Variants in SHTN1 observed in about 807,000 individuals in gnomAD.
The protein encoded by SHTN1 is shootin-1.
A neutral mutation model predicts 83.1 loss-of-function variants in SHTN1; 42 were observed. The ratio of observed to expected loss-of-function variants is 0.51; its 90% CI spans 0.39 to 0.65. The LOEUF (loss-of-function observed/expected upper bound fraction) is 0.65. SHTN1 is among the 30% of genes least tolerant of loss of function. The pLI, the probability that SHTN1 is intolerant of heterozygous loss-of-function variation, is 0.00. For synonymous variants in SHTN1, 224 were observed against 247.7 expected (o/e 0.90, Z 0.90); for missense variants, 622 against 737.8 (o/e 0.84, Z 1.82).
At chr10:116,992,225 T>C (rs963808854) in intron 1 of SHTN1, among the ~76,000 whole-genome samples, 1 of 152,204 alleles carries the variant, frequency 6.6e-6, no homozygotes, top group Non-Finnish European at 1.5e-5. Flanking sequence ...GGAAACCTTT[T>C]TATTTCTATC....
chr10:117,052,152 A>T, intron 1 of SHTN1, among the ~76,000 whole-genome samples: 1 of 151,432 alleles, frequency 6.6e-6, no homozygotes, highest in Non-Finnish European at 1.5e-5. Context: ...TAATTTAAGA[A>T]GAAATGTTTT....
At chr10:116,961,699 G>A (rs967816266) in intron 3 of SHTN1, among the ~76,000 whole-genome samples, 7 of 152,136 alleles carry the variant, frequency 4.6e-5, no homozygotes, top group African/African-American at 1.7e-4. Flanking sequence ...CGTAATTACT[G>A]GTAGACATTG....
intron 2 of SHTN1, among the ~76,000 whole-genome samples, chr10:117,024,575 G>T (rs1852305189): frequency 6.6e-6 from 1 of 151,626 alleles, no homozygotes; most frequent in Non-Finnish European, 1.5e-5. Context: ...AGCCAGGATG[G>T]TCTCGATCTC....
rs1853314561 is a variant in SHTN1, at chr10:117,084,259, T to C, written c.-188-35749A>G. 3.3e-5 allele frequency among the ~76,000 whole-genome samples: 5 copies of C among 152,200 alleles called. No individual in the cohort carries two copies. In the South Asian group the frequency reaches 1.0e-3, roughly 32 times the overall value. ...CCTTTCTGTTTGTTAGTTTTCCTTC[T>C]AACAGACAGGACCCTCAGCTGCAGG... On this transcript the variant is annotated intron_variant, in intron 1 of 17. Coordinates refer to the SHTN1 transcript ENST00000392901.
At chr10:116,935,752 C>G (rs899593759) in intron 9 of SHTN1, among the ~76,000 whole-genome samples, 1 of 152,160 alleles carries the variant, frequency 6.6e-6, no homozygotes, top group African/African-American at 2.4e-5. Context: ...ACCAGCTCCT[C>G]TTGGTACCTC....
chr10:117,050,653 G>C (rs1164729385), intron 1 of SHTN1, among the ~76,000 whole-genome samples: 1 of 151,784 alleles, frequency 6.6e-6, no homozygotes, highest in Non-Finnish European at 1.5e-5. Context: ...AAAGTTAATT[G>C]TTTGAAAAGA....
At chr10:117,078,550 T>G (rs1307618059) in intron 1 of SHTN1, among the ~76,000 whole-genome samples, 1 of 152,216 alleles carries the variant, frequency 6.6e-6, no homozygotes, top group Non-Finnish European at 1.5e-5. Flanking sequence ...ATGCTCCTGA[T>G]GTTTGCTGCA....
chr10:116,929,907 CT>C lies in SHTN1; in HGVS notation c.953del (p.Lys318ArgfsTer5). 6.2e-7 allele frequency: 1 copy of C among 1,608,984 alleles called. No individual in the cohort carries two copies. Among genetic ancestry groups the C allele is most frequent in the Non-Finnish European group, 8.5e-7 (1 of 1,177,314 alleles). The part of the protein sequence containing the change: ...QQLELLEEDK[K>X]ELELKYQNSE... Reference sequence around the variant, plus strand: ...AATTCTGATATTTCAATTCCAATTCCTTTTTATCTTCCTCTAGAAGCTCCAG... The same window carrying C: ...AATTCTGATATTTCAATTCCAATTCCTTTTATCTTCCTCTAGAAGCTCCAG... On this transcript the variant is annotated frameshift_variant, in exon 10 of 17. Transcript: ENST00000355371. LOFTEE classifies it high-confidence loss of function.
At chr10:116,940,666 C>G (rs1849336188) in intron 8 of SHTN1, 54 bp from the exon 9 acceptor site, 2 of 1,369,536 alleles carry the variant, frequency 1.5e-6, no homozygotes, top group South Asian at 3.2e-5. Flanking sequence ...CATACCTCCT[C>G]AACTGTAACT....
At chr10:116,910,653 A>G (rs1848156262) in intron 14 of SHTN1, among the ~76,000 whole-genome samples, 1 of 152,238 alleles carries the variant, frequency 6.6e-6, no homozygotes, top group Non-Finnish European at 1.5e-5. Flanking sequence ...ACTGTGCCCC[A>G]GAGGACATCT....
At chr10:116,953,055 A>AG (rs892898056) in intron 5 of SHTN1, among the ~76,000 whole-genome samples, 1 of 152,198 alleles carries the variant, frequency 6.6e-6, no homozygotes, top group African/African-American at 2.4e-5. Context: ...GTTGAAGAGT[A>AG]GGTAAAGATG....
intron 1 of SHTN1, among the ~76,000 whole-genome samples, chr10:117,105,195 T>G: frequency 6.6e-6 from 1 of 152,164 alleles, no homozygotes; most frequent in East Asian, 1.9e-4. Flanking sequence ...CTCAATTAGA[T>G]AGCCAGCTCT....
intron 9 of SHTN1, among the ~76,000 whole-genome samples, chr10:116,933,570 A>G (rs1849047529): frequency 6.6e-6 from 1 of 152,092 alleles, no homozygotes; most frequent in African/African-American, 2.4e-5. Flanking sequence ...TCTATCATTG[A>G]TGGGCATTTG....
At chr10:117,108,821 G>A (rs755716655) in intron 1 of SHTN1, among the ~76,000 whole-genome samples, 35 of 152,190 alleles carry the variant, frequency 2.3e-4, no homozygotes, top group Non-Finnish European at 4.7e-4. Context: ...GGAAAACAGA[G>A]AGGTGAAAAA....
At chr10:116,908,959 G>T (rs1848082152) in intron 14 of SHTN1, among the ~76,000 whole-genome samples, 1 of 152,170 alleles carries the variant, frequency 6.6e-6, no homozygotes, top group Non-Finnish European at 1.5e-5. Flanking sequence ...GTGGAGGAAA[G>T]AAAGGTTTCT....
At chr10:117,091,242 A>G (rs1361140461) in intron 1 of SHTN1, among the ~76,000 whole-genome samples, 1 of 152,228 alleles carries the variant, frequency 6.6e-6, no homozygotes, top group East Asian at 1.9e-4. Context: ...TGTGCCAGGG[A>G]CTGTTCCAAA....
chr10:117,111,339 G>A (rs1262761785), intron 1 of SHTN1, among the ~76,000 whole-genome samples: 2 of 151,914 alleles, frequency 1.3e-5, no homozygotes, highest in African/African-American at 4.8e-5. Context: ...TGTTGCCCAG[G>A]CTGGAGTACA....
In SHTN1 at chr10:117,067,622, T is replaced by G. The variant is rs182334587; in HGVS notation, c.-188-19112A>C. Among the ~76,000 whole-genome samples, 40 of 152,080 alleles carry G rather than the reference T, an allele frequency of 2.6e-4. No individual in the cohort carries two copies. In the East Asian group the frequency reaches 7.5e-3, roughly 29 times the overall value. On this transcript the variant is annotated intron_variant, in intron 1 of 17. Transcript: ENST00000392901. ...AAAAAATTTTTAAATAAAAAAAAAT[T>G]TTAAAATCAATCAATCAATCAATCA...
chr10:116,944,650 T>C (rs932045822), intron 8 of SHTN1, among the ~76,000 whole-genome samples: 8 of 152,018 alleles, frequency 5.3e-5, no homozygotes, highest in African/African-American at 1.9e-4. Flanking sequence ...GGGAGCACTT[T>C]GGGAGGCCAA....
Sources: allele counts gnomAD v4.1 joint callset (sites outside exome capture counted in the v4.1 genomes callset), GRCh38; gene constraint gnomAD v4.1.1; transcripts MANE v1.5; gene names NCBI Gene and HGNC (gene_info 2026-07-23, HGNC 2026-07-21).